Variants in PRDX2 observed in about 807,000 individuals in gnomAD.
PRDX2 encodes peroxiredoxin-2.
PRDX2 carries 10 observed loss-of-function variants against 19.8 expected under a neutral mutation model. The ratio of observed to expected loss-of-function variants is 0.50; its 90% CI spans 0.31 to 0.86. The LOEUF (loss-of-function observed/expected upper bound fraction) is 0.86. PRDX2 is among the 40% of genes least tolerant of loss of function. PRDX2 has a pLI of 0.04. For missense variants in PRDX2, 226 were observed against 260.1 expected (o/e 0.87, Z 0.90); for synonymous variants, 118 against 108.2 (o/e 1.09, Z -0.56).
chr19:12,800,395 G>A (rs760887072), intron 3 of PRDX2, 96 bp from the exon 4 acceptor site: 190 of 1,483,508 alleles, frequency 1.3e-4, no homozygotes, highest in Admixed American at 2.9e-4. Context: ...GGAGGCCGGA[G>A]ATAAGGGGCT....
chr19:12,798,403 G>A (rs960040032), intron 5 of PRDX2, among the ~76,000 whole-genome samples: 2 of 151,226 alleles, frequency 1.3e-5, no homozygotes, highest in African/African-American at 4.9e-5. Context: ...CCAGGCTGGA[G>A]TGCAATGGCA....
chr19:12,798,664 T>C (rs1968835910), intron 5 of PRDX2, among the ~76,000 whole-genome samples: 1 of 149,592 alleles, frequency 6.7e-6, no homozygotes, highest in Non-Finnish European at 1.5e-5. Context: ...TTTTTTTTTT[T>C]TTTTTTTTTA....
chr19:12,799,295 T>C (rs1331017970), intron 5 of PRDX2, among the ~76,000 whole-genome samples: 2 of 152,012 alleles, frequency 1.3e-5, no homozygotes, highest in Non-Finnish European at 2.9e-5. Context: ...CCTCCCAGGC[T>C]CAAGTGATCC....
chr19:12,798,297 A>G (rs1216652643), intron 5 of PRDX2, among the ~76,000 whole-genome samples: 1 of 151,022 alleles, frequency 6.6e-6, no homozygotes, highest in Non-Finnish European at 1.5e-5. Flanking sequence ...CGCCCGCCTC[A>G]GCCTCCCAAA....
intron 5 of PRDX2, among the ~76,000 whole-genome samples, chr19:12,797,915 C>T (rs1227020685): frequency 1.3e-5 from 2 of 152,034 alleles, no homozygotes; most frequent in Non-Finnish European, 2.9e-5. Flanking sequence ...CCACCTTGGC[C>T]TCCCAAAATG....
chr19:12,801,324 C>A, intron 1 of PRDX2, 54 bp from the exon 2 acceptor site: 1 of 1,536,520 alleles, frequency 6.5e-7, no homozygotes, highest in South Asian at 1.2e-5. Flanking sequence ...CCTCCCAACC[C>A]AAGGTCGCGC....
At chr19:12,800,487 G>A in intron 3 of PRDX2, 188 bp from the exon 4 acceptor site, 1 of 845,636 alleles carries the variant, frequency 1.2e-6, no homozygotes, top group East Asian at 2.7e-5. Context: ...GGAAGACTGA[G>A]TTTGAGAGGC....
rs937934591 is a variant in PRDX2, at chr19:12,799,363, A to AT, written c.511+495dup. Among the ~76,000 whole-genome samples, 311 of 143,888 alleles carry AT rather than the reference A, an allele frequency of 2.2e-3. 1 individual carries two copies. Among genetic ancestry groups the AT allele is most frequent in the Middle Eastern group, 0.021 (6 of 280 alleles). 94.4% of individuals were successfully genotyped at this position (143,888 alleles called of 152,430 possible). A position where few individuals can be genotyped will look rare whatever the true frequency, so the allele number is the denominator to read the frequency against. On this transcript the variant is annotated intron_variant, in intron 5 of 5. Coordinates refer to ENST00000301522, the MANE Select transcript of PRDX2 (RefSeq NM_005809.6). ...TAGGCATGCTTCACAAACCAAGCTA[A>AT]TTTTTTTTTTTTTTGAGACTGAGTT...
chr19:12,800,179 G>A lies in PRDX2; in HGVS notation c.378C>T (p.Tyr126=), dbSNP rs745674317. The A allele has an allele frequency of 1.2e-6, 2 of 1,613,778 alleles. No homozygotes were observed. Among genetic ancestry groups the A allele is most frequent in the East Asian group, 4.5e-5 (2 of 44,880 alleles). ...GVLKTDEGIA[Y]RGLFIIDGKG... is the part of the protein sequence containing the mutation. ...CCGGGCTGAGGGTCCCACAGTACCT[G>A]TAGGCAATGCCCTCATCTGTTTTCA... Residue 126 remains tyrosine (Y), a splice_region_variant and synonymous_variant, in exon 4 of 6, where the codon TAC becomes TAT. Coordinates refer to ENST00000301522, the MANE Select transcript of PRDX2 (RefSeq NM_005809.6).
chr19:12,800,714 C>T, intron 3 of PRDX2: 2 of 1,478,282 alleles, frequency 1.4e-6, no homozygotes, highest in South Asian at 2.8e-5. Context: ...TGAGTTGCAT[C>T]TGCAACTCTA....
Position 12,801,760 on chromosome 19 carries a change from C to G in PRDX2, c.-30G>C. On this transcript the variant is annotated 5_prime_UTR_variant, in exon 1 of 6. Coordinates refer to ENST00000301522, the MANE Select transcript of PRDX2 (RefSeq NM_005809.6). Reference sequence around the variant, plus strand: ...CATACCTGCGTGGGCAAAGGCTAGACGCACGGACGATCACACGCGTGGACC... The same window carrying G: ...CATACCTGCGTGGGCAAAGGCTAGAGGCACGGACGATCACACGCGTGGACC... The G allele has an allele frequency of 3.1e-6, 1 of 321,370 alleles. No homozygotes were observed. Among genetic ancestry groups the G allele is most frequent in the East Asian group, 5.1e-5 (1 of 19,634 alleles). 19.9% of individuals were successfully genotyped at this position (321,370 alleles called of 1,614,324 possible).
chr19:12,800,018 G>T, intron 4 of PRDX2, 29 bp from the exon 5 acceptor site: 1 of 1,611,158 alleles, frequency 6.2e-7, no homozygotes, highest in Non-Finnish European at 8.5e-7. Flanking sequence ...CCAGTGAGGA[G>T]CTGATAGCTC....
At chr19:12,800,066 G>T in intron 4 of PRDX2, 77 bp from the exon 5 acceptor site, 1 of 1,598,778 alleles carries the variant, frequency 6.3e-7, no homozygotes, top group Non-Finnish European at 8.5e-7. Context: ...CCAACCACCC[G>T]CTGCTAGCCA....
rs1968799899 is a variant in PRDX2, at chr19:12,796,949, C to T, written c.*132G>A. Reference sequence around the variant, plus strand: ...AGGCCTTGGCCTAGCCCTCCAGGGTCCCATACTGTGGAGTTTGGAGGGGCA... The same window carrying T: ...AGGCCTTGGCCTAGCCCTCCAGGGTTCCATACTGTGGAGTTTGGAGGGGCA... On this transcript the variant is annotated 3_prime_UTR_variant, in exon 6 of 6. Transcript: ENST00000301522. 1.2e-6 allele frequency: 1 copy of T among 847,366 alleles called. No individual in the cohort carries two copies. The highest frequency in any genetic ancestry group is 2.3e-5 in the Admixed American group (1 of 43,386). The allele number at this position is 847,366 out of a possible 1,614,324, so 52.5% of individuals were successfully genotyped here.
intron 3 of PRDX2, 179 bp downstream of exon 3, chr19:12,800,737 C>G: frequency 6.6e-7 from 1 of 1,510,262 alleles, no homozygotes; most frequent in Non-Finnish European, 8.9e-7. Context: ...TACCAGGCAA[C>G]TAGTTGTCAA....
intron 1 of PRDX2, 150 bp from the exon 2 acceptor site, chr19:12,801,420 C>T: frequency 1.2e-6 from 1 of 806,940 alleles, no homozygotes; most frequent in Non-Finnish European, 2.0e-6. Flanking sequence ...CTACGAGGCC[C>T]GGAGGCTGCC....
rs201660933 is a variant in PRDX2, at chr19:12,797,182, A to G, written c.512-16T>C. 2 of 1,611,140 alleles carry G rather than the reference A, an allele frequency of 1.2e-6. No homozygotes were observed. The highest frequency in any genetic ancestry group is 8.5e-7 in the Non-Finnish European group (1 of 1,177,386). ...GCGGGACAAACTGTGGGAAGACACA[A>G]GGATGCACATGAAGGCTACAGCCCC... On this transcript the variant is annotated splice_polypyrimidine_tract_variant and intron_variant, in intron 5 of 5. Coordinates refer to ENST00000301522, the MANE Select transcript of PRDX2 (RefSeq NM_005809.6).
rs566102951 is a variant in PRDX2, at chr19:12,800,211, C to T, written c.346G>A (p.Gly116Ser). 7.7e-5 allele frequency: 125 copies of T among 1,613,766 alleles called. No individual in the cohort carries two copies. Among genetic ancestry groups the T allele is most frequent in the South Asian group, 5.2e-4 (47 of 91,082 alleles). ...ATGCCCTCATCTGTTTTCAGCACGCCGTAATCCTCAGACAAGCGTCTGGTC... is the reference window on the plus strand; with the variant it reads ...ATGCCCTCATCTGTTTTCAGCACGCTGTAATCCTCAGACAAGCGTCTGGTC... ...DVTRRLSEDY[G>S]VLKTDEGIAY... The change falls in exon 4 of 6, where the codon GGC (glycine) becomes AGC (serine). Residue 116 changes from glycine (G) to serine (S), a missense_variant. Coordinates refer to ENST00000301522, the MANE Select transcript of PRDX2 (RefSeq NM_005809.6).
At chr19:12,799,204 G>C (rs1380352006) in intron 5 of PRDX2, among the ~76,000 whole-genome samples, 1 of 151,756 alleles carries the variant, frequency 6.6e-6, no homozygotes, top group East Asian at 1.9e-4. Context: ...CGGCCTGTTT[G>C]TTTGTTTTTT....
Sources: gnomAD v4.1 joint callset for allele counts (sites outside exome capture counted in the v4.1 genomes callset) on GRCh38, gnomAD v4.1.1 for gene constraint, MANE v1.5 for transcripts, NCBI Gene and HGNC (gene_info 2026-07-23, HGNC 2026-07-21) for gene names.